Variants in SMOC2 observed in about 807,000 individuals in gnomAD.
The protein encoded by SMOC2 is SPARC related modular calcium binding 2, also known as SPARC-related modular calcium-binding protein 2.
In SMOC2, 39 loss-of-function variants were observed where a neutral mutation model predicts 61.4. The observed-to-expected ratio is 0.64, with a 90% CI of 0.49 to 0.83. The LOEUF (loss-of-function observed/expected upper bound fraction) is 0.83, where lower values mean the gene tolerates loss of function less well. Ranked by LOEUF, SMOC2 falls within the 40% of genes least tolerant of loss-of-function variation. The pLI is 0.00. For missense variants in SMOC2, 556 were observed against 592.9 expected (o/e 0.94, Z 0.65); for synonymous variants, 247 against 239.9 (o/e 1.03, Z -0.27).
At chr6:168,586,874 T>C (rs1408872075) in intron 7 of SMOC2, among the ~76,000 whole-genome samples, 1 of 152,204 alleles carries the variant, frequency 6.6e-6, no homozygotes, top group Non-Finnish European at 1.5e-5. Flanking sequence ...TTTGCAAATA[T>C]AAAAAAGTAG....
intron 9 of SMOC2, among the ~76,000 whole-genome samples, chr6:168,631,215 C>T (rs375091223): frequency 3.9e-5 from 6 of 152,258 alleles, no homozygotes; most frequent in African/African-American, 1.4e-4. Context: ...CTCTTTTGTA[C>T]TCTGTCCCTT....
intron 8 of SMOC2, among the ~76,000 whole-genome samples, chr6:168,606,489 T>TG (rs1562377547): frequency 1.3e-5 from 2 of 152,144 alleles, no homozygotes; most frequent in African/African-American, 4.8e-5. Context: ...GACAGCTGGA[T>TG]GGGGTCCTCT....
rs9456169 is a variant in SMOC2, at chr6:168,534,151, T to C, written c.463+6424T>C. Among the ~76,000 whole-genome samples the C allele has an allele frequency of 3.3e-3, 497 of 152,222 alleles. 6 individuals are homozygous for C. The highest frequency in any genetic ancestry group is 0.028 in the South Asian group (135 of 4,822). ...CTTGTGAATTTTTTTCAGAGAAAAA[T>C]GTTAAATTTACTCTGTAACACGTAA... On this transcript the variant is annotated intron_variant, in intron 4 of 12. Coordinates refer to ENST00000356284, the MANE Select transcript of SMOC2 (RefSeq NM_001166412.2).
chr6:168,460,042 A>G (rs1781686593), intron 1 of SMOC2, among the ~76,000 whole-genome samples: 1 of 152,174 alleles, frequency 6.6e-6, no homozygotes, highest in South Asian at 2.1e-4. Context: ...AACTCTTTGG[A>G]AACCTTTCAT....
Position 168,526,447 on chromosome 6 carries a change from A to G in SMOC2, c.358A>G (p.Ser120Gly). Residue 120 changes from serine (S) to glycine (G), a missense_variant, in exon 3 of 13, where the codon AGT becomes GGT. Coordinates refer to ENST00000356284, the MANE Select transcript of SMOC2 (RefSeq NM_001166412.2). ...TGAGTGCAATGACGACGGCACCTAC[A>G]GTCAGGTTACCGGCCTTGCTTGGGA... ...IPECNDDGTYSQVQCHSYTGY... is the reference protein window; with the variant it reads ...IPECNDDGTYGQVQCHSYTGY... 6.2e-7 allele frequency: 1 copy of G among 1,613,934 alleles called. No homozygotes were observed.
intron 9 of SMOC2, among the ~76,000 whole-genome samples, chr6:168,629,963 A>G (rs7764852): frequency 0.72 from 109,858 of 152,084 alleles, 39,817 homozygotes; most frequent in Admixed American, 0.79. Context: ...GGTGGAGGCC[A>G]TCCTGGGGAA....
At chr6:168,653,819 C>A (rs1787268595) in intron 11 of SMOC2, among the ~76,000 whole-genome samples, 2 of 146,516 alleles carry the variant, frequency 1.4e-5, no homozygotes, top group Middle Eastern at 3.7e-3. Flanking sequence ...CACCCCTGTA[C>A]CTGAGCTCCA....
At chr6:168,616,372 C>T (rs1340814452) in intron 9 of SMOC2, among the ~76,000 whole-genome samples, 1 of 152,172 alleles carries the variant, frequency 6.6e-6, no homozygotes, top group Non-Finnish European at 1.5e-5. Flanking sequence ...ACCCATGAGG[C>T]TGGGACAAGG....
chr6:168,574,358 G>A (rs1424859860), intron 7 of SMOC2, among the ~76,000 whole-genome samples: 1 of 152,230 alleles, frequency 6.6e-6, no homozygotes, highest in African/African-American at 2.4e-5. Flanking sequence ...AGCAGGCCGG[G>A]AGGAAGCCCC....
At chr6:168,456,120 C>A (rs1221909756) in intron 1 of SMOC2, among the ~76,000 whole-genome samples, 1 of 152,232 alleles carries the variant, frequency 6.6e-6, no homozygotes, top group East Asian at 1.9e-4. Flanking sequence ...CTGCTTGGAG[C>A]TGGACGTGTG....
In SMOC2 at chr6:168,535,425, G is replaced by T. The variant is rs190141997; in HGVS notation, c.463+7698G>T. Among the ~76,000 whole-genome samples, 50 of 152,264 alleles carry T rather than the reference G, an allele frequency of 3.3e-4. No individual in the cohort carries two copies. Among genetic ancestry groups the T allele is most frequent in the African/African-American group, 1.2e-3 (48 of 41,528 alleles). On this transcript the variant is annotated intron_variant, in intron 4 of 12. Coordinates refer to ENST00000356284, the MANE Select transcript of SMOC2 (RefSeq NM_001166412.2). The surrounding 1 kb of genome is among the most constrained non-coding windows in gnomAD (Gnocchi z 4.6). ...ATTTATGAAACTATTAAAATGTTGT[G>T]TGGCCCTTTAGCAAGAGTGATACAG...
chr6:168,612,633 C>A (rs1329442947), intron 9 of SMOC2, among the ~76,000 whole-genome samples: 1 of 152,244 alleles, frequency 6.6e-6, no homozygotes, highest in African/African-American at 2.4e-5. Context: ...TGATCTCCAT[C>A]AGTCCTCAGG....
chr6:168,554,103 G>A (rs1301471616), intron 7 of SMOC2, among the ~76,000 whole-genome samples: 2 of 151,994 alleles, frequency 1.3e-5, no homozygotes, highest in South Asian at 2.1e-4. Flanking sequence ...TCCATGGGAC[G>A]AGTCGGTTAA....
chr6:168,499,458 T>C (rs1583059548), intron 1 of SMOC2, among the ~76,000 whole-genome samples: 2 of 152,352 alleles, frequency 1.3e-5, no homozygotes, highest in East Asian at 3.9e-4. Flanking sequence ...ATCTGATCTT[T>C]TGTGCGTTGC....
intron 1 of SMOC2, among the ~76,000 whole-genome samples, chr6:168,467,825 T>G (rs1781878798): frequency 6.6e-6 from 1 of 152,250 alleles, no homozygotes; most frequent in African/African-American, 2.4e-5. Flanking sequence ...ACTTTTCCTG[T>G]TGATCAATGA....
intron 8 of SMOC2, among the ~76,000 whole-genome samples, chr6:168,599,540 T>A (rs12207268): frequency 0.014 from 150 of 10,894 alleles, no homozygotes; most frequent in South Asian, 0.039. Flanking sequence ...ACACACCCAC[T>A]CACACACACT....
chr6:168,483,563 A>G (rs1782261337), intron 1 of SMOC2, among the ~76,000 whole-genome samples: 1 of 152,130 alleles, frequency 6.6e-6, no homozygotes, highest in African/African-American at 2.4e-5. Context: ...TCCCTATCAA[A>G]ATTCCAAAAA....
intron 7 of SMOC2, among the ~76,000 whole-genome samples, chr6:168,596,743 C>G (rs987784502): frequency 1.3e-5 from 2 of 152,242 alleles, no homozygotes; most frequent in Admixed American, 1.3e-4. Flanking sequence ...AAATGCAAAT[C>G]ATCGTCCTTT....
intron 1 of SMOC2, among the ~76,000 whole-genome samples, chr6:168,459,360 G>C (rs968054221): frequency 6.6e-6 from 1 of 152,176 alleles, no homozygotes; most frequent in Admixed American, 6.5e-5. Flanking sequence ...GGCAGGAAGC[G>C]TGACATTGAG....
Sources: allele counts gnomAD v4.1 joint callset (sites outside exome capture counted in the v4.1 genomes callset), GRCh38; gene constraint gnomAD v4.1.1; non-coding constraint Gnocchi (gnomAD v3.1); transcripts MANE v1.5; gene names NCBI Gene and HGNC (gene_info 2026-07-23, HGNC 2026-07-21).